The following RPS6KC1 variants were observed in gnomAD, a reference collection of about 807,000 sequenced individuals.
RPS6KC1 encodes the protein ribosomal protein S6 kinase C1.
In RPS6KC1, 54 loss-of-function variants were observed where a neutral mutation model predicts 103.8. The ratio of observed to expected loss-of-function variants is 0.52; its 90% CI spans 0.42 to 0.65. The LOEUF is 0.65. Ranked by LOEUF, RPS6KC1 falls within the 30% of genes least tolerant of loss-of-function variation. The pLI is 0.00. For synonymous variants in RPS6KC1, 439 were observed against 438.7 expected, an observed-to-expected ratio of 1.00 and a Z score of -0.01; for missense variants, 1,151 against 1,253.8, an observed-to-expected ratio of 0.92 and a Z score of 1.24.
the RPS6KC1 span, among the ~76,000 whole-genome samples, chr1:213,393,812 A>G: frequency 6.6e-6 from 1 of 152,162 alleles, no homozygotes; most frequent in African/African-American, 2.4e-5. Flanking sequence ...AGGGAGGAGA[A>G]GGAGGAGGAC....
the RPS6KC1 span, among the ~76,000 whole-genome samples, chr1:213,645,857 G>A: frequency 6.6e-6 from 1 of 152,142 alleles, no homozygotes; most frequent in Non-Finnish European, 1.5e-5. Flanking sequence ...CGCTGCTCCA[G>A]CTTCTGGTTC....
intron 8 of RPS6KC1, among the ~76,000 whole-genome samples, chr1:213,197,372 G>A (rs1171384843): frequency 6.6e-6 from 1 of 152,022 alleles, no homozygotes; most frequent in Non-Finnish European, 1.5e-5. Flanking sequence ...GATTGCTTTT[G>A]GCAATATGGT....
chr1:213,377,102 T>C, the RPS6KC1 span, among the ~76,000 whole-genome samples: 1 of 152,216 alleles, frequency 6.6e-6, no homozygotes, highest in African/African-American at 2.4e-5. Context: ...CAACATCCTG[T>C]GACTTTTCCC....
At chr1:213,551,577 G>A in the RPS6KC1 span, among the ~76,000 whole-genome samples, 3 of 152,160 alleles carry the variant, frequency 2.0e-5, no homozygotes, top group Non-Finnish European at 4.4e-5. Flanking sequence ...TAGGTTCACA[G>A]CAAAACTAAG....
At chr1:213,494,775 T>A in the RPS6KC1 span, among the ~76,000 whole-genome samples, 38,426 of 151,546 alleles carry the variant, frequency 0.25, 5,628 homozygotes, top group Middle Eastern at 0.38. Flanking sequence ...TGTGATAAAA[T>A]TTTTTTTGAA....
chr1:213,615,389 A>G, the RPS6KC1 span, among the ~76,000 whole-genome samples: 2 of 152,264 alleles, frequency 1.3e-5, no homozygotes, highest in African/African-American at 2.4e-5. Flanking sequence ...AGAAGACACC[A>G]GCCTTCAGTG....
At chr1:213,342,491 G>C in the RPS6KC1 span, among the ~76,000 whole-genome samples, 1 of 152,158 alleles carries the variant, frequency 6.6e-6, no homozygotes, top group Non-Finnish European at 1.5e-5. Flanking sequence ...AATAGGAAAG[G>C]GCTCTTAGTA....
At chr1:213,240,622 T>G (rs1470087787) in intron 10 of RPS6KC1, 80 bp from the exon 11 acceptor site, 2 of 1,173,406 alleles carry the variant, frequency 1.7e-6, no homozygotes, top group African/African-American at 1.5e-5. Context: ...TTAAGATAGT[T>G]TTTGTTTTTC....
At chr1:213,488,828 C>T in the RPS6KC1 span, among the ~76,000 whole-genome samples, 8 of 152,184 alleles carry the variant, frequency 5.3e-5, no homozygotes, top group Non-Finnish European at 1.0e-4. Flanking sequence ...ACACTTTACT[C>T]GCCTTAGAGC....
the RPS6KC1 span, among the ~76,000 whole-genome samples, chr1:213,809,895 T>A: frequency 6.6e-6 from 1 of 152,238 alleles, no homozygotes; most frequent in Non-Finnish European, 1.5e-5. Flanking sequence ...TCCCTTGCCA[T>A]TTCTATCTGG....
chr1:213,640,214 CT>C, the RPS6KC1 span, among the ~76,000 whole-genome samples: 7 of 151,926 alleles, frequency 4.6e-5, no homozygotes, highest in Admixed American at 3.9e-4. Context: ...TCGTTATTTC[CT>C]TTTAATGCCT....
the RPS6KC1 span, among the ~76,000 whole-genome samples, chr1:213,626,481 T>G: frequency 1.3e-5 from 2 of 152,212 alleles, no homozygotes; most frequent in Admixed American, 6.5e-5. Context: ...TTTTGGTGTT[T>G]TAGACATGAA....
chr1:213,151,090 TC>T (rs1434698741), intron 6 of RPS6KC1, among the ~76,000 whole-genome samples: 3 of 129,210 alleles, frequency 2.3e-5, no homozygotes, highest in Non-Finnish European at 4.9e-5. Flanking sequence ...GCCCCTCACC[TC>T]CCGGATGGGG....
At chr1:213,801,030 G>T in the RPS6KC1 span, among the ~76,000 whole-genome samples, 3 of 152,142 alleles carry the variant, frequency 2.0e-5, no homozygotes, top group Admixed American at 6.5e-5. Context: ...TGGGATCTCT[G>T]CAGCCTCAGC....
At chr1:213,767,745 A>C in the RPS6KC1 span, among the ~76,000 whole-genome samples, 1 of 152,218 alleles carries the variant, frequency 6.6e-6, no homozygotes, top group African/African-American at 2.4e-5. Context: ...TCTTCATGGA[A>C]GAGAAACTCT....
At chr1:213,698,290 A>G in the RPS6KC1 span, among the ~76,000 whole-genome samples, 2 of 152,180 alleles carry the variant, frequency 1.3e-5, no homozygotes, top group African/African-American at 4.8e-5. Context: ...TGCCTGGCCA[A>G]AGTTCATTTT....
At chr1:213,523,121 A>C in the RPS6KC1 span, among the ~76,000 whole-genome samples, 2 of 152,210 alleles carry the variant, frequency 1.3e-5, no homozygotes, top group African/African-American at 2.4e-5. Context: ...TAATTGGCCT[A>C]ATTTCAATAT....
chr1:213,182,640 A>G (rs2092325421), intron 8 of RPS6KC1, among the ~76,000 whole-genome samples: 1 of 151,842 alleles, frequency 6.6e-6, no homozygotes, highest in Admixed American at 6.6e-5. Flanking sequence ...TTATAAATAT[A>G]CCAGTTAAAA....
chr1:213,087,725 C>T (rs1282113780), intron 3 of RPS6KC1, among the ~76,000 whole-genome samples: 3 of 152,178 alleles, frequency 2.0e-5, no homozygotes, highest in Admixed American at 1.3e-4. Context: ...TTGGTGATCA[C>T]CTAGCTAAGG....
Sources: gnomAD v4.1 joint callset for allele counts (sites outside exome capture counted in the v4.1 genomes callset) on GRCh38, gnomAD v4.1.1 for gene constraint, MANE v1.5 for transcripts, NCBI Gene and HGNC (gene_info 2026-07-23, HGNC 2026-07-21) for gene names.